The following ADGRL3 variants were observed in gnomAD, a reference collection of about 807,000 sequenced individuals.
ADGRL3 encodes calcium-independent alpha-latrotoxin receptor 3.
ADGRL3 carries 62 observed loss-of-function variants against 153.5 expected under a neutral mutation model. The ratio of observed to expected loss-of-function variants is 0.40; its 90% confidence interval spans 0.33 to 0.50. The LOEUF is 0.50. Ranked by LOEUF, ADGRL3 falls within the 20% of genes least tolerant of loss-of-function variation. The pLI is 0.47. For missense variants in ADGRL3, 1,641 were observed against 1,859.4 expected, an observed-to-expected ratio of 0.88 and a Z score of 2.16; for synonymous variants, 710 against 672.5, an observed-to-expected ratio of 1.06 and a Z score of -0.86.
chr4:61,360,665 G>C (rs1373871076), intron 1 of ADGRL3, among the ~76,000 whole-genome samples: 1 of 152,112 alleles, frequency 6.6e-6, no homozygotes, highest in African/African-American at 2.4e-5. Context: ...CAAAAACATA[G>C]CTGCTGAATG....
At chr4:61,374,216 A>T (rs1217317193) in intron 1 of ADGRL3, among the ~76,000 whole-genome samples, 1 of 152,206 alleles carries the variant, frequency 6.6e-6, no homozygotes, top group Admixed American at 6.5e-5. Context: ...AGATGTTTGC[A>T]TTTGAATAGT....
chr4:61,462,591 T>G (rs1275516847), intron 2 of ADGRL3, among the ~76,000 whole-genome samples: 2 of 152,074 alleles, frequency 1.3e-5, no homozygotes, highest in African/African-American at 4.8e-5. Context: ...GATGACTTGA[T>G]CGTGCTACTT....
At chr4:61,626,324 A>G (rs1331982679) in intron 5 of ADGRL3, among the ~76,000 whole-genome samples, 1 of 152,032 alleles carries the variant, frequency 6.6e-6, no homozygotes, top group Non-Finnish European at 1.5e-5. Flanking sequence ...CATACAATTC[A>G]TAATTCAGCC....
At chr4:61,329,398 A>C (rs2095527005) in intron 1 of ADGRL3, among the ~76,000 whole-genome samples, 1 of 152,180 alleles carries the variant, frequency 6.6e-6, no homozygotes, top group Non-Finnish European at 1.5e-5. Context: ...CCTTTGTCTG[A>C]AATCAAAAGT....
intron 2 of ADGRL3, among the ~76,000 whole-genome samples, chr4:61,431,711 C>T (rs1427490324): frequency 3.3e-5 from 5 of 152,088 alleles, no homozygotes; most frequent in South Asian, 4.1e-4. Flanking sequence ...ATTAAATCTA[C>T]CTCAGAAAGG....
intron 6 of ADGRL3, among the ~76,000 whole-genome samples, chr4:61,705,406 T>C (rs910909404): frequency 5.4e-5 from 8 of 149,480 alleles, no homozygotes; most frequent in Non-Finnish European, 1.0e-4. Context: ...ATTATTTATA[T>C]ATATTAGATA....
At chr4:61,888,367 G>A (rs1408919752) in intron 9 of ADGRL3, among the ~76,000 whole-genome samples, 2 of 152,170 alleles carry the variant, frequency 1.3e-5, no homozygotes, top group Non-Finnish European at 2.9e-5. Context: ...TATTGAAAAA[G>A]TGTCATATCG....
chr4:61,468,539 C>T (rs2097910798), intron 2 of ADGRL3, among the ~76,000 whole-genome samples: 1 of 152,118 alleles, frequency 6.6e-6, no homozygotes, highest in Non-Finnish European at 1.5e-5. Context: ...TTATCAAAGC[C>T]TTAACCTCAA....
At chr4:61,743,136 T>C (rs60655770) in intron 8 of ADGRL3, among the ~76,000 whole-genome samples, 12,300 of 151,572 alleles carry the variant, frequency 0.081, 1,034 homozygotes, top group African/African-American at 0.21. Context: ...CTGGCTAACA[T>C]GGCGAAACCC....
chr4:61,817,159 C>A (rs937294327), intron 9 of ADGRL3, among the ~76,000 whole-genome samples: 1 of 149,874 alleles, frequency 6.7e-6, no homozygotes, highest in African/African-American at 2.4e-5. Context: ...ACCCCCCCCC[C>A]CCCACCAAGG....
intron 18 of ADGRL3, among the ~76,000 whole-genome samples, chr4:61,980,783 TGCCTTTTTTGACTTGATA>T (rs1202468533): frequency 6.6e-6 from 1 of 152,166 alleles, no homozygotes; most frequent in Non-Finnish European, 1.5e-5. Flanking sequence ...ATTTCCTCCA[TGCCTTTTTTGACTTGATA>T]GCTTATTTCT....
At chr4:61,940,303 G>T (rs2098882253) in intron 15 of ADGRL3, among the ~76,000 whole-genome samples, 1 of 11,924 alleles carries the variant, frequency 8.4e-5, no homozygotes, top group Non-Finnish European at 1.7e-4. Flanking sequence ...GTGTATATGT[G>T]CCACATTTTC....
At chr4:61,882,011 T>A (rs962932108) in intron 9 of ADGRL3, among the ~76,000 whole-genome samples, 13 of 152,220 alleles carry the variant, frequency 8.5e-5, no homozygotes, top group Non-Finnish European at 1.2e-4. Flanking sequence ...TCCCAGTTTG[T>A]TTCTTTATTT....
intron 2 of ADGRL3, among the ~76,000 whole-genome samples, chr4:61,434,284 G>C (rs946188337): frequency 1.3e-5 from 2 of 152,038 alleles, no homozygotes; most frequent in African/African-American, 4.8e-5. Context: ...TGGGAAAAAT[G>C]CTGGCAAATT....
intron 8 of ADGRL3, 96 bp from the exon 9 acceptor site, chr4:61,813,713 A>C: frequency 7.1e-7 from 1 of 1,403,664 alleles, no homozygotes; most frequent in Non-Finnish European, 9.7e-7. Flanking sequence ...CTATTAATTC[A>C]GTTTGGAGTG....
At chr4:61,930,739 C>G (rs950118704) in intron 13 of ADGRL3, among the ~76,000 whole-genome samples, 1 of 151,896 alleles carries the variant, frequency 6.6e-6, no homozygotes, top group Non-Finnish European at 1.5e-5. Context: ...TGACTTTTGG[C>G]TCTTTCCCAT....
rs1242702916 is a variant in ADGRL3 at position 61,927,377 on chromosome 4, T to A, written c.2113-7463T>A. Reference sequence around the variant, plus strand: ...CAATGCTTTTTTTTAAAAAAAAAAATAAGAGGTCTCTTAAAGACACAGTCT... The same window carrying A: ...CAATGCTTTTTTTTAAAAAAAAAAAAAAGAGGTCTCTTAAAGACACAGTCT... On this transcript the variant is annotated intron_variant, in intron 13 of 26. Transcript: ENST00000683033. Among the ~76,000 whole-genome samples the A allele has an allele frequency of 8.6e-5, 13 of 151,078 alleles. No homozygotes were observed. In the East Asian group the frequency reaches 1.6e-3, roughly 18 times the overall value.
At chr4:61,331,372 C>T (rs2095569360) in intron 1 of ADGRL3, among the ~76,000 whole-genome samples, 1 of 152,024 alleles carries the variant, frequency 6.6e-6, no homozygotes. Context: ...ATTGGGATGT[C>T]AATATTTTTC....
chr4:61,613,554 G>A (rs2091639197), intron 5 of ADGRL3, among the ~76,000 whole-genome samples: 1 of 152,120 alleles, frequency 6.6e-6, no homozygotes, highest in South Asian at 2.1e-4. Flanking sequence ...GACCAGCCTG[G>A]CCAACATGAT....
Sources: allele counts gnomAD v4.1 joint callset (sites outside exome capture counted in the v4.1 genomes callset), GRCh38; gene constraint gnomAD v4.1.1; transcripts MANE v1.5; gene names NCBI Gene and HGNC (gene_info 2026-07-23, HGNC 2026-07-21).